ZFAND3: variants seen among roughly 807,000 people sequenced by gnomAD.
ZFAND3 encodes AN1-type zinc finger protein 3.
Under a neutral mutation model 29.6 loss-of-function variants are expected in ZFAND3, and 10 were observed. The observed-to-expected ratio is 0.34, with a 90% CI of 0.21 to 0.57. The LOEUF (loss-of-function observed/expected upper bound fraction) is 0.57, where lower values mean the gene tolerates loss of function less well. Ranked by LOEUF, ZFAND3 falls within the 20% of genes least tolerant of loss-of-function variation. The probability of loss-of-function intolerance (pLI) is 0.86; values close to 1 mark genes in which losing one functional copy is unlikely to be tolerated. For synonymous variants in ZFAND3, 128 were observed against 112.6 expected (o/e 1.14, Z -0.87); for missense variants, 230 against 304.5 (o/e 0.76, Z 1.82).
chr6:37,945,338 A>G (rs1403170576), intron 2 of ZFAND3, among the ~76,000 whole-genome samples: 2 of 152,174 alleles, frequency 1.3e-5, no homozygotes, highest in Non-Finnish European at 2.9e-5. Context: ...ATTCTGGAAA[A>G]ATACCACGTG....
At chr6:37,892,474 C>T (rs1401318578) in intron 1 of ZFAND3, among the ~76,000 whole-genome samples, 2 of 152,046 alleles carry the variant, frequency 1.3e-5, no homozygotes, top group African/African-American at 4.8e-5. Flanking sequence ...GTAGTGCTTA[C>T]AGAGAAATTT....
At chr6:38,086,833 A>G (rs1764767107) in intron 4 of ZFAND3, among the ~76,000 whole-genome samples, 1 of 152,206 alleles carries the variant, frequency 6.6e-6, no homozygotes, top group African/African-American at 2.4e-5. Flanking sequence ...ACAGAAATAG[A>G]AAAAAATCCT....
chr6:37,934,982 A>G (rs1400959015), intron 2 of ZFAND3, among the ~76,000 whole-genome samples: 1 of 151,868 alleles, frequency 6.6e-6, no homozygotes, highest in African/African-American at 2.4e-5. Context: ...CTTTTCTCAA[A>G]TTACAATTCA....
intron 1 of ZFAND3, among the ~76,000 whole-genome samples, chr6:37,891,602 A>AATAC (rs1581738792): frequency 6.6e-6 from 1 of 151,958 alleles, no homozygotes; most frequent in East Asian, 1.9e-4. Flanking sequence ...ATAATAAATA[A>AATAC]ATAAATAAAT....
At chr6:37,904,646 G>A (rs1765377191) in intron 1 of ZFAND3, among the ~76,000 whole-genome samples, 1 of 152,172 alleles carries the variant, frequency 6.6e-6, no homozygotes, top group Admixed American at 6.5e-5. Flanking sequence ...ATGACCTAGG[G>A]AAGGATGAAG....
At chr6:37,973,417 A>G (rs759632232) in intron 2 of ZFAND3, among the ~76,000 whole-genome samples, 2 of 152,180 alleles carry the variant, frequency 1.3e-5, no homozygotes, top group Non-Finnish European at 2.9e-5. Flanking sequence ...TTAAAAAGCT[A>G]CTGTCTTTCT....
At chr6:37,855,045 T>C (rs1764355251) in intron 1 of ZFAND3, among the ~76,000 whole-genome samples, 1 of 150,146 alleles carries the variant, frequency 6.7e-6, no homozygotes, top group African/African-American at 2.4e-5. Flanking sequence ...TTACCTCTTC[T>C]TTTTAATCTC....
At chr6:37,832,687 TCTC>T (rs1763884815) in intron 1 of ZFAND3, among the ~76,000 whole-genome samples, 1 of 151,996 alleles carries the variant, frequency 6.6e-6, no homozygotes, top group African/African-American at 2.4e-5. Flanking sequence ...CTCTCCCCTC[TCTC>T]CTCGACAGGG....
At chr6:37,896,819 A>C (rs888864573) in intron 1 of ZFAND3, among the ~76,000 whole-genome samples, 1 of 149,854 alleles carries the variant, frequency 6.7e-6, no homozygotes, top group East Asian at 2.0e-4. Flanking sequence ...TTATTTCTTA[A>C]CTCTTTGTAG....
intron 2 of ZFAND3, among the ~76,000 whole-genome samples, chr6:38,019,049 A>G (rs1581843582): frequency 6.6e-6 from 1 of 151,748 alleles, no homozygotes; most frequent in Non-Finnish European, 1.5e-5. Flanking sequence ...TGCAACCTCC[A>G]CCTCCTGGGT....
chr6:38,090,692 C>T (rs1764849111), intron 4 of ZFAND3, among the ~76,000 whole-genome samples: 1 of 152,096 alleles, frequency 6.6e-6, no homozygotes, highest in African/African-American at 2.4e-5. Context: ...ATTGCTTTCC[C>T]TTGGGTTTTT....
chr6:37,856,740 G>A (rs768056516), intron 1 of ZFAND3, among the ~76,000 whole-genome samples: 3 of 152,058 alleles, frequency 2.0e-5, no homozygotes, highest in Non-Finnish European at 2.9e-5. Context: ...TTGTGAGGAT[G>A]TATTTAATAA....
At chr6:38,144,917 C>G (rs1766072081) in intron 5 of ZFAND3, among the ~76,000 whole-genome samples, 1 of 152,216 alleles carries the variant, frequency 6.6e-6, no homozygotes, top group Non-Finnish European at 1.5e-5. Flanking sequence ...CTGTCTGGCA[C>G]CGATTGAATC....
chr6:38,060,084 CA>C (rs1171279159), intron 2 of ZFAND3, among the ~76,000 whole-genome samples: 2 of 152,138 alleles, frequency 1.3e-5, no homozygotes, highest in Non-Finnish European at 2.9e-5. Context: ...TGAAGCTTTT[CA>C]ACCAAACCCA....
At chr6:38,019,906 G>A (rs922306692) in intron 2 of ZFAND3, among the ~76,000 whole-genome samples, 3 of 152,040 alleles carry the variant, frequency 2.0e-5, no homozygotes, top group African/African-American at 7.2e-5. Flanking sequence ...ATTTTTAGTA[G>A]AGACGGTTTC....
intron 2 of ZFAND3, among the ~76,000 whole-genome samples, chr6:37,954,685 G>A (rs572450059): frequency 2.0e-5 from 3 of 152,060 alleles, no homozygotes; most frequent in East Asian, 1.9e-4. Flanking sequence ...ATTTTGTCTC[G>A]TTGCATTGGA....
At chr6:38,060,392 T>A (rs993013880) in intron 2 of ZFAND3, among the ~76,000 whole-genome samples, 1 of 151,750 alleles carries the variant, frequency 6.6e-6, no homozygotes, top group African/African-American at 2.4e-5. Context: ...TTTCTTTTTC[T>A]TTCCTTTTCC....
intron 2 of ZFAND3, among the ~76,000 whole-genome samples, chr6:37,961,915 G>C (rs956564947): frequency 6.6e-6 from 1 of 152,132 alleles, no homozygotes; most frequent in African/African-American, 2.4e-5. Context: ...AGACTGCAAA[G>C]ACTACAATAA....
At chr6:38,101,512 A>G (rs1561999349) in intron 4 of ZFAND3, among the ~76,000 whole-genome samples, 3 of 152,162 alleles carry the variant, frequency 2.0e-5, no homozygotes, top group African/African-American at 7.2e-5. Context: ...ATTTGTCTTG[A>G]GAGCAGTGAG....
Sources: gnomAD v4.1 joint callset for allele counts (sites outside exome capture counted in the v4.1 genomes callset) on GRCh38, gnomAD v4.1.1 for gene constraint, MANE v1.5 for transcripts, NCBI Gene and HGNC (gene_info 2026-07-23, HGNC 2026-07-21) for gene names.